The following NELL1 variants were observed in gnomAD, a reference collection of about 807,000 sequenced individuals.
The protein encoded by NELL1 is protein kinase C-binding protein NELL1.
In NELL1, 76 loss-of-function variants were observed where a neutral mutation model predicts 107.4. The ratio of observed to expected loss-of-function variants is 0.71; its 90% CI spans 0.59 to 0.86. The LOEUF is 0.86. Ranked by LOEUF, NELL1 falls within the 40% of genes least tolerant of loss-of-function variation. The pLI, the probability that NELL1 is intolerant of heterozygous loss-of-function variation, is 0.00. For missense variants in NELL1, 1,024 were observed against 1,005.5 expected, an observed-to-expected ratio of 1.02 and a Z score of -0.25; for synonymous variants, 353 against 341.2, an observed-to-expected ratio of 1.03 and a Z score of -0.38.
chr11:21,373,401 A>C (rs1851399982), intron 15 of NELL1, among the ~76,000 whole-genome samples: 1 of 152,114 alleles, frequency 6.6e-6, no homozygotes, highest in South Asian at 2.1e-4. Context: ...AATGCAAATG[A>C]ATTGTGAATG....
At chr11:21,208,480 G>A (rs1297931878) in intron 13 of NELL1, among the ~76,000 whole-genome samples, 1 of 151,094 alleles carries the variant, frequency 6.6e-6, no homozygotes, top group Non-Finnish European at 1.5e-5. Context: ...AAATAGAAAA[G>A]CACTTGATTG....
chr11:21,337,389 A>G (rs1850428122), intron 14 of NELL1, among the ~76,000 whole-genome samples: 3 of 152,206 alleles, frequency 2.0e-5, no homozygotes, highest in African/African-American at 7.2e-5. Context: ...CTTATTCTAT[A>G]AAAGTGTATT....
chr11:20,886,918 A>G (rs1849521263), intron 5 of NELL1, among the ~76,000 whole-genome samples: 2 of 152,120 alleles, frequency 1.3e-5, no homozygotes, highest in African/African-American at 4.8e-5. Flanking sequence ...GTTTTGGAAA[A>G]TCTACACTGT....
intron 12 of NELL1, among the ~76,000 whole-genome samples, chr11:20,980,947 A>C (rs545567008): frequency 6.6e-6 from 1 of 152,274 alleles, no homozygotes; most frequent in Admixed American, 6.5e-5. Context: ...TACCTCCAAA[A>C]TTCCTTCCAG....
chr11:21,115,377 CT>C (rs1245520889), intron 13 of NELL1, among the ~76,000 whole-genome samples: 1 of 148,288 alleles, frequency 6.7e-6, no homozygotes, highest in African/African-American at 2.5e-5. Context: ...CACACACACG[CT>C]TTTTTGTTTT....
chr11:21,399,993 G>T (rs769946628), intron 15 of NELL1, among the ~76,000 whole-genome samples: 19 of 151,742 alleles, frequency 1.3e-4, no homozygotes, highest in Non-Finnish European at 2.4e-4. Flanking sequence ...CTATAGATGG[G>T]ATGTGTATGC....
At chr11:21,003,462 G>A (rs1488476359) in intron 12 of NELL1, among the ~76,000 whole-genome samples, 1 of 152,150 alleles carries the variant, frequency 6.6e-6, no homozygotes, top group Non-Finnish European at 1.5e-5. Context: ...AAAAGTTTAG[G>A]CTTGCAGAAG....
chr11:21,384,202 A>G (rs1015243167), intron 15 of NELL1, among the ~76,000 whole-genome samples: 2 of 151,942 alleles, frequency 1.3e-5, no homozygotes, highest in Admixed American at 6.6e-5. Flanking sequence ...TTAACATAGT[A>G]GCCAAGGGGA....
intron 12 of NELL1, among the ~76,000 whole-genome samples, chr11:20,991,712 G>A (rs1851978501): frequency 6.6e-6 from 1 of 152,170 alleles, no homozygotes; most frequent in Non-Finnish European, 1.5e-5. Context: ...GATCCTGCCT[G>A]CCTTTAGGTG....
At chr11:21,550,546 G>A (rs543557619) in intron 16 of NELL1, among the ~76,000 whole-genome samples, 1 of 152,086 alleles carries the variant, frequency 6.6e-6, no homozygotes, top group South Asian at 2.1e-4. Flanking sequence ...TCCAGTTTCA[G>A]CTTTCTACAT....
intron 14 of NELL1, among the ~76,000 whole-genome samples, chr11:21,367,122 T>C (rs1048807531): frequency 6.6e-6 from 1 of 152,112 alleles, no homozygotes; most frequent in African/African-American, 2.4e-5. Flanking sequence ...ATTTTGTGAT[T>C]TTATTTTCTT....
chr11:21,031,242 C>T (rs1202247116), intron 12 of NELL1, among the ~76,000 whole-genome samples: 1 of 152,186 alleles, frequency 6.6e-6, no homozygotes, highest in Non-Finnish European at 1.5e-5. Flanking sequence ...AATTTCCATT[C>T]TTATAAATAA....
At chr11:21,522,198 C>T (rs566014969) in intron 15 of NELL1, among the ~76,000 whole-genome samples, 2 of 150,166 alleles carry the variant, frequency 1.3e-5, no homozygotes, top group South Asian at 4.2e-4. Context: ...GGTGCCACTG[C>T]ACTCCAGCCT....
intron 12 of NELL1, among the ~76,000 whole-genome samples, chr11:20,991,661 G>T (rs1288521513): frequency 6.6e-6 from 1 of 152,170 alleles, no homozygotes; most frequent in Non-Finnish European, 1.5e-5. Flanking sequence ...TCGTTTGTTT[G>T]CATCAAATGG....
chr11:21,169,900 G>A (rs755727542), intron 13 of NELL1: 279 of 1,453,778 alleles, frequency 1.9e-4, no homozygotes, highest in Non-Finnish European at 2.4e-4. Context: ...ATGTCCCCAG[G>A]TCGTCCACCG....
intron 15 of NELL1, among the ~76,000 whole-genome samples, chr11:21,418,936 G>A (rs938306791): frequency 2.0e-5 from 3 of 152,116 alleles, no homozygotes; most frequent in African/African-American, 7.2e-5. Flanking sequence ...AAAAAGCAGA[G>A]ATGTTGAGGT....
intron 13 of NELL1, among the ~76,000 whole-genome samples, chr11:21,163,903 G>T (rs1271587268): frequency 6.6e-6 from 1 of 152,006 alleles, no homozygotes. Context: ...TGAATTTTGA[G>T]GGGGGTGGGT....
At chr11:20,908,813 A>G (rs1590404465) in intron 5 of NELL1, among the ~76,000 whole-genome samples, 1 of 152,238 alleles carries the variant, frequency 6.6e-6, no homozygotes, top group African/African-American at 2.4e-5. Flanking sequence ...TAATCCAGCA[A>G]TTCCTCTCCT....
chr11:21,162,237 C>T (rs1405406732), intron 13 of NELL1, among the ~76,000 whole-genome samples: 1 of 152,162 alleles, frequency 6.6e-6, no homozygotes, highest in African/African-American at 2.4e-5. Context: ...GCGTGAGCCA[C>T]TGCGCCCGGC....
Sources: gnomAD v4.1 joint callset for allele counts (sites outside exome capture counted in the v4.1 genomes callset) on GRCh38, gnomAD v4.1.1 for gene constraint, MANE v1.5 for transcripts, NCBI Gene and HGNC (gene_info 2026-07-23, HGNC 2026-07-21) for gene names.